SPAG16: variants seen among roughly 807,000 people sequenced by gnomAD.
The protein encoded by SPAG16 is sperm associated antigen 16.
In SPAG16, 86 loss-of-function variants were observed where a neutral mutation model predicts 80.4. That is an observed-to-expected ratio of 1.07 (90% CI 0.90 to 1.28). SPAG16 has a LOEUF of 1.28. Among genes scored for constraint, SPAG16 ranks in the 50% most tolerant of loss-of-function variants. The pLI, the probability that SPAG16 is intolerant of heterozygous loss-of-function variation, is 0.00. For missense variants in SPAG16, 870 were observed against 765.3 expected (o/e 1.14, Z -1.61); for synonymous variants, 294 against 265.9 (o/e 1.11, Z -1.03).
chr2:213,843,584 C>A (rs1013497340), intron 10 of SPAG16, among the ~76,000 whole-genome samples: 2 of 152,198 alleles, frequency 1.3e-5, no homozygotes, highest in Non-Finnish European at 1.5e-5. Flanking sequence ...GGCGAGGTGG[C>A]TCATGCCTGT....
intron 15 of SPAG16, among the ~76,000 whole-genome samples, chr2:214,250,982 A>G (rs1690250358): frequency 6.6e-6 from 1 of 151,732 alleles, no homozygotes; most frequent in South Asian, 2.1e-4. Flanking sequence ...TACCTTTGCC[A>G]TTAAAAAGTC....
intron 10 of SPAG16, among the ~76,000 whole-genome samples, chr2:213,666,797 A>G (rs573215807): frequency 1.3e-5 from 2 of 152,228 alleles, no homozygotes; most frequent in African/African-American, 4.8e-5. Flanking sequence ...TAGGTGGAGA[A>G]GGAAGGCCAG....
chr2:213,685,372 A>G (rs1427177540), intron 10 of SPAG16, among the ~76,000 whole-genome samples: 1 of 152,210 alleles, frequency 6.6e-6, no homozygotes, highest in Non-Finnish European at 1.5e-5. Flanking sequence ...GAGAATAAGG[A>G]CATATTCAAG....
At chr2:213,644,734 C>A (rs925560736) in intron 10 of SPAG16, among the ~76,000 whole-genome samples, 1 of 152,184 alleles carries the variant, frequency 6.6e-6, no homozygotes, top group African/African-American at 2.4e-5. Flanking sequence ...TCTGAACCAC[C>A]TAAATCTGTA....
At chr2:213,728,209 T>C (rs757280288) in intron 10 of SPAG16, among the ~76,000 whole-genome samples, 7 of 152,190 alleles carry the variant, frequency 4.6e-5, no homozygotes, top group Admixed American at 1.3e-4. Flanking sequence ...CTTATTTATA[T>C]ACCTAAATGA....
intron 10 of SPAG16, among the ~76,000 whole-genome samples, chr2:213,633,363 T>C (rs964105147): frequency 1.3e-5 from 2 of 152,178 alleles, no homozygotes; most frequent in African/African-American, 4.8e-5. Flanking sequence ...AATTTCTAGT[T>C]TCATACCATT....
chr2:213,983,949 C>T (rs2045888746), intron 12 of SPAG16, among the ~76,000 whole-genome samples: 2 of 151,956 alleles, frequency 1.3e-5, no homozygotes, highest in African/African-American at 2.4e-5. Context: ...TTATCATATA[C>T]ATCATACATG....
intron 12 of SPAG16, among the ~76,000 whole-genome samples, chr2:213,978,591 A>G (rs2045539666): frequency 1.3e-5 from 2 of 152,142 alleles, no homozygotes; most frequent in Non-Finnish European, 2.9e-5. Flanking sequence ...TTGCTGCATA[A>G]TAAATCATCC....
intron 10 of SPAG16, among the ~76,000 whole-genome samples, chr2:213,607,057 T>A (rs920918990): frequency 3.9e-5 from 6 of 152,148 alleles, no homozygotes; most frequent in Non-Finnish European, 5.9e-5. Context: ...AGATGATATG[T>A]TTGGTAGATG....
chr2:213,289,240 C>T (rs1310694825), intron 1 of SPAG16, among the ~76,000 whole-genome samples: 1 of 152,226 alleles, frequency 6.6e-6, no homozygotes, highest in African/African-American at 2.4e-5. Flanking sequence ...TTTATATTTT[C>T]AGATAGAAAT....
chr2:214,083,792 A>C (rs2051541505), intron 13 of SPAG16, among the ~76,000 whole-genome samples: 1 of 152,144 alleles, frequency 6.6e-6, no homozygotes, highest in African/African-American at 2.4e-5. Context: ...TCAGGTAGTG[A>C]GCCATAATAC....
chr2:213,700,626 C>T (rs2065365256), intron 10 of SPAG16, among the ~76,000 whole-genome samples: 1 of 152,164 alleles, frequency 6.6e-6, no homozygotes, highest in African/African-American at 2.4e-5. Context: ...AATTCTCTCA[C>T]TTTGCAGAAA....
At chr2:214,363,674 A>AG (rs757285297) in intron 15 of SPAG16, among the ~76,000 whole-genome samples, 1 of 152,012 alleles carries the variant, frequency 6.6e-6, no homozygotes, top group Non-Finnish European at 1.5e-5. Flanking sequence ...GGGCATATGC[A>AG]GGGGGGCTGA....
At chr2:213,340,807 T>C (rs955602563) in intron 6 of SPAG16, among the ~76,000 whole-genome samples, 1 of 152,148 alleles carries the variant, frequency 6.6e-6, no homozygotes, top group African/African-American at 2.4e-5. Flanking sequence ...AGATTTACTT[T>C]CTCTCCTTCT....
At chr2:213,348,995 G>T (rs1397486920) in intron 6 of SPAG16, among the ~76,000 whole-genome samples, 1 of 152,138 alleles carries the variant, frequency 6.6e-6, no homozygotes, top group Admixed American at 6.6e-5. Flanking sequence ...CATTTCAAAG[G>T]ATGGATGTCA....
intron 10 of SPAG16, among the ~76,000 whole-genome samples, chr2:213,856,299 C>T (rs1396091655): frequency 1.3e-5 from 2 of 152,302 alleles, no homozygotes; most frequent in Admixed American, 6.5e-5. Flanking sequence ...CAGCTCCACC[C>T]CTGTGGCTTT....
intron 15 of SPAG16, among the ~76,000 whole-genome samples, chr2:214,189,787 T>C (rs892002007): frequency 1.3e-5 from 2 of 152,094 alleles, no homozygotes; most frequent in Non-Finnish European, 2.9e-5. Flanking sequence ...GTCCTTTATT[T>C]GTAAATTAAT....
At chr2:213,407,328 C>G (rs1055929757) in intron 9 of SPAG16, among the ~76,000 whole-genome samples, 4 of 151,942 alleles carry the variant, frequency 2.6e-5, no homozygotes, top group Admixed American at 6.6e-5. Flanking sequence ...AGGGGTTGAG[C>G]CTTCCAGGGC....
At chr2:213,993,453 A>G (rs1281361949) in intron 12 of SPAG16, among the ~76,000 whole-genome samples, 1 of 152,214 alleles carries the variant, frequency 6.6e-6, no homozygotes, top group Non-Finnish European at 1.5e-5. Flanking sequence ...CATATTCACA[A>G]GTAAACCCCC....
Sources: gnomAD v4.1 joint callset for allele counts (sites outside exome capture counted in the v4.1 genomes callset) on GRCh38, gnomAD v4.1.1 for gene constraint, MANE v1.5 for transcripts, NCBI Gene and HGNC (gene_info 2026-07-23, HGNC 2026-07-21) for gene names.